KIF5C: variants seen among roughly 807,000 people sequenced by gnomAD.
KIF5C encodes the protein kinesin heavy chain isoform 5C.
Under a neutral mutation model 125.2 loss-of-function variants are expected in KIF5C, and 18 were observed. The observed-to-expected ratio is 0.14, with a 90% CI of 0.10 to 0.21. The LOEUF is 0.21. Ranked by LOEUF, KIF5C falls within the 10% of genes least tolerant of loss-of-function variation. KIF5C has a pLI of 1.00. For missense variants in KIF5C, 780 were observed against 1,183.8 expected, an observed-to-expected ratio of 0.66 and a Z score of 5.01; for synonymous variants, 405 against 434.0, an observed-to-expected ratio of 0.93 and a Z score of 0.83.
At chr2:148,895,578 T>C (rs1273461033) in intron 1 of KIF5C, among the ~76,000 whole-genome samples, 1 of 152,136 alleles carries the variant, frequency 6.6e-6, no homozygotes, top group Non-Finnish European at 1.5e-5. Context: ...TACTCTTTTC[T>C]CTTAACATTT....
chr2:148,982,541 T>TAC (rs1196930724), intron 14 of KIF5C, among the ~76,000 whole-genome samples: 3 of 152,196 alleles, frequency 2.0e-5, no homozygotes, highest in African/African-American at 7.2e-5. Flanking sequence ...CCTCGCGGCA[T>TAC]ACATTCAGCT....
chr2:148,892,264 TC>T (rs1286296066), intron 1 of KIF5C, among the ~76,000 whole-genome samples: 5 of 152,238 alleles, frequency 3.3e-5, no homozygotes, highest in African/African-American at 9.6e-5. Context: ...AGGCACTAGT[TC>T]TTTGAGATAT....
intron 1 of KIF5C, among the ~76,000 whole-genome samples, chr2:148,898,487 A>G (rs1204776600): frequency 6.6e-6 from 1 of 152,244 alleles, no homozygotes; most frequent in Non-Finnish European, 1.5e-5. Context: ...GTTGTTAACC[A>G]TTTGACCTTC....
chr2:148,893,778 A>T (rs1239822805), intron 1 of KIF5C, among the ~76,000 whole-genome samples: 1 of 152,212 alleles, frequency 6.6e-6, no homozygotes, highest in East Asian at 1.9e-4. Flanking sequence ...TTCTTGTGGC[A>T]CTTACATTCT....
intron 16 of KIF5C, among the ~76,000 whole-genome samples, chr2:148,993,823 A>G (rs943788209): frequency 2.0e-5 from 3 of 152,212 alleles, no homozygotes; most frequent in African/African-American, 7.2e-5. Flanking sequence ...CAAGTAAAAA[A>G]GACAAGACAA....
chr2:149,002,948 C>T lies in KIF5C; in HGVS notation c.2373+2166C>T, dbSNP rs142594206. ...CACTAGCTCCTCCCGTCTCCCTGCT[C>T]GTCCGTTCTCTCTCCCACGCTGGGC... On this transcript the variant is annotated intron_variant, in intron 21 of 25. Coordinates refer to ENST00000435030, the MANE Select transcript of KIF5C (RefSeq NM_004522.3). Among the ~76,000 whole-genome samples, 504 of 152,334 alleles carry T rather than the reference C, an allele frequency of 3.3e-3. 4 individuals are homozygous for T. The highest frequency in any genetic ancestry group is 3.8e-3 in the African/African-American group (160 of 41,570).
chr2:148,906,918 G>C (rs1681131933), intron 1 of KIF5C, among the ~76,000 whole-genome samples: 1 of 152,118 alleles, frequency 6.6e-6, no homozygotes. Context: ...AATTAGCTGG[G>C]TGTGGTGGCA....
chr2:148,939,716 A>T (rs1262960167), intron 4 of KIF5C, among the ~76,000 whole-genome samples: 1 of 152,198 alleles, frequency 6.6e-6, no homozygotes, highest in Non-Finnish European at 1.5e-5. Context: ...ACTACTTTGT[A>T]TTCTGAACCG....
rs1421100360 is a variant in KIF5C at position 148,910,255 on chromosome 2, G to A, written c.127-11882G>A. Among the ~76,000 whole-genome samples, 7 of 152,292 alleles carry A rather than the reference G, an allele frequency of 4.6e-5. No individual in the cohort carries two copies. The East Asian group carries it at 5.8e-4, about 13-fold the overall frequency. ...ATGTGCAATTTGTAATTTGCAATTT[G>A]TAAAGTAATTTTATATGCCTTTTAT... On this transcript the variant is annotated intron_variant, in intron 1 of 25. Transcript: ENST00000435030.
chr2:148,916,357 G>C (rs915194391), intron 1 of KIF5C, among the ~76,000 whole-genome samples: 26 of 152,224 alleles, frequency 1.7e-4, no homozygotes, highest in African/African-American at 5.5e-4. Flanking sequence ...TTTTTAAAGA[G>C]TGCAGAGGAT....
intron 2 of KIF5C, among the ~76,000 whole-genome samples, chr2:148,928,214 C>T (rs923260282): frequency 2.0e-5 from 3 of 152,100 alleles, no homozygotes; most frequent in African/African-American, 7.2e-5. Flanking sequence ...ACCATGCTCC[C>T]AAAAGAAAAA....
Position 149,000,537 on chromosome 2 carries a change from T to C in KIF5C, c.2312+13T>C, listed in dbSNP as rs929335637. The C allele has an allele frequency of 6.4e-7, 1 of 1,552,134 alleles. No homozygotes were observed. Among genetic ancestry groups the C allele is most frequent in the Admixed American group, 1.9e-5 (1 of 52,086 alleles). Reference sequence around the variant, plus strand: ...TGGAAAAGCTCTTGTGAGTGCACTCTAAATATTTCCTCTATTTTCTCTCAT... The same window carrying C: ...TGGAAAAGCTCTTGTGAGTGCACTCCAAATATTTCCTCTATTTTCTCTCAT... On this transcript the variant is annotated intron_variant, in intron 20 of 25. Transcript: ENST00000435030.
At chr2:148,914,636 G>A (rs1031484540) in intron 1 of KIF5C, among the ~76,000 whole-genome samples, 22 of 152,268 alleles carry the variant, frequency 1.4e-4, no homozygotes, top group Non-Finnish European at 2.5e-4. Flanking sequence ...AACTCCATTA[G>A]AAGCCAGTGG....
intron 1 of KIF5C, among the ~76,000 whole-genome samples, chr2:148,914,853 G>A (rs1681482196): frequency 6.6e-6 from 1 of 152,378 alleles, no homozygotes; most frequent in African/African-American, 2.4e-5. Flanking sequence ...GTGGAGTGGA[G>A]AGGAGAATGG....
At chr2:148,978,016 CTGTT>C (rs1460053666) in intron 12 of KIF5C, among the ~76,000 whole-genome samples, 1 of 152,186 alleles carries the variant, frequency 6.6e-6, no homozygotes, top group East Asian at 1.9e-4. Flanking sequence ...GAATCTGACT[CTGTT>C]TGGTGTTTAG....
At chr2:148,933,733 C>T (rs1169856978) in intron 3 of KIF5C, among the ~76,000 whole-genome samples, 1 of 151,038 alleles carries the variant, frequency 6.6e-6, no homozygotes, top group Non-Finnish European at 1.5e-5. Flanking sequence ...CCACGCCTCC[C>T]ACATACATCA....
intron 10 of KIF5C, among the ~76,000 whole-genome samples, chr2:148,953,997 A>G (rs1277551844): frequency 6.6e-6 from 1 of 152,136 alleles, no homozygotes; most frequent in Admixed American, 6.5e-5. Context: ...CGTCACCTAC[A>G]TTAGGTATTT....
Position 149,021,573 on chromosome 2 carries a change from C to G in KIF5C, c.*8-1505C>G, listed in dbSNP as rs527963623. On this transcript the variant is annotated intron_variant, in intron 25 of 25. Coordinates refer to ENST00000435030, the MANE Select transcript of KIF5C (RefSeq NM_004522.3). Reference sequence around the variant, plus strand: ...TGTGAGGTTGCTTACAATATTATAACATATAAATCAGAAGAGTGAAGAAAA... The same window carrying G: ...TGTGAGGTTGCTTACAATATTATAAGATATAAATCAGAAGAGTGAAGAAAA... Among the ~76,000 whole-genome samples, 5 of 151,968 alleles carry G rather than the reference C, an allele frequency of 3.3e-5. 1 individual carries two copies. In the South Asian group the frequency reaches 1.0e-3, roughly 32 times the overall value.
rs1471391471 is a variant in KIF5C, at chr2:148,981,543, C to G, written c.1551C>G (p.Asp517Glu). The G allele has an allele frequency of 6.3e-7, 1 of 1,599,376 alleles. No homozygotes were observed. The highest frequency in any genetic ancestry group is 1.1e-5 in the South Asian group (1 of 88,432). Reference sequence around the variant, plus strand: ...CCCGGGCCAATGAGCAGCTGACAGACGAGCTGGCCCAGAAAACGGTTGGAG... The same window carrying G: ...CCCGGGCCAATGAGCAGCTGACAGAGGAGCTGGCCCAGAAAACGGTTGGAG... ...DKTRANEQLT[D>E]ELAQKTTTLT... The change falls in exon 14 of 26, where the codon GAC becomes GAG. Residue 517 changes from aspartate to glutamate, a missense_variant. Around this residue, in one of 2 missense-constraint regions of KIF5C, gnomAD observed 573 missense variants for 742.6 expected, o/e 0.77. Transcript: ENST00000435030.
Sources: allele counts gnomAD v4.1 joint callset (sites outside exome capture counted in the v4.1 genomes callset), GRCh38; gene constraint gnomAD v4.1.1; regional missense constraint gnomAD v4.1.1; transcripts MANE v1.5; gene names NCBI Gene and HGNC (gene_info 2026-07-23, HGNC 2026-07-21).